The following PWWP3A variants were observed in gnomAD, a reference collection of about 807,000 sequenced individuals.
PWWP3A encodes PWWP domain containing 3A, DNA repair factor.
Under a neutral mutation model 79.0 loss-of-function variants are expected in PWWP3A, and 53 were observed. The ratio of observed to expected loss-of-function variants is 0.67; its 90% CI spans 0.54 to 0.84. The LOEUF (loss-of-function observed/expected upper bound fraction) is 0.84. Among genes scored for constraint, PWWP3A ranks in the 40% least tolerant of loss-of-function variants. The pLI is 0.00. For missense variants in PWWP3A, 973 were observed against 948.0 expected, an observed-to-expected ratio of 1.03 and a Z score of -0.35; for synonymous variants, 443 against 394.4, an observed-to-expected ratio of 1.12 and a Z score of -1.46.
intron 11 of PWWP3A, among the ~76,000 whole-genome samples, chr19:1,370,113 A>C (rs2082218909): frequency 6.6e-6 from 1 of 152,224 alleles, no homozygotes; most frequent in African/African-American, 2.4e-5. Context: ...GCGTGCCTGC[A>C]GCCCCAGCTA....
rs1432252249 is a variant in PWWP3A at position 1,360,733 on chromosome 19, A to C, written c.812A>C (p.His271Pro). 1 of 1,612,942 alleles carries C rather than the reference A, an allele frequency of 6.2e-7. No homozygotes were observed. The highest frequency in any genetic ancestry group is 8.5e-7 in the Non-Finnish European group (1 of 1,179,830). ...GATCCCTGTGCCAACGCTGAGGGAC[A>C]CGACCCCGGTCTGCCGTTGGGCAGC... Reference protein sequence around the residue: ...EDDPCANAEGHDPGLPLGSLT... With the variant: ...EDDPCANAEGPDPGLPLGSLT... Residue 271 changes from histidine to proline, a missense_variant, in exon 5 of 14, where the codon CAC becomes CCC. Physicochemically the swap from His to Pro is moderately conservative, Grantham distance 77 (BLOSUM62 -2). Coordinates refer to ENST00000591337, the MANE Select transcript of PWWP3A (RefSeq NM_001369789.1). This position sits in a 1 kb window ranked among gnomAD's most constrained non-coding sequence, Gnocchi z 4.4.
In PWWP3A at chr19:1,360,554, G is replaced by T. The variant is rs1413630991; in HGVS notation, c.633G>T (p.Trp211Cys). 6.2e-7 allele frequency: 1 copy of T among 1,614,208 alleles called. No individual in the cohort carries two copies. Among genetic ancestry groups the T allele is most frequent in the Non-Finnish European group, 8.5e-7 (1 of 1,180,036 alleles). The change falls in exon 5 of 14, where the codon TGG (tryptophan) becomes TGT (cysteine). Residue 211 changes from tryptophan to cysteine, a missense_variant. Trp to Cys is a radical substitution (Grantham distance 215). Transcript: ENST00000591337. The surrounding 1 kb of genome is among the most constrained non-coding windows in gnomAD (Gnocchi z 4.4). ...ESGSRIHHKNWTLASKRGGNS... is the reference protein window; with the variant it reads ...ESGSRIHHKNCTLASKRGGNS... ...GGTCCAGAATCCACCACAAAAATTG[G>T]ACTCTTGCAAGTAAGAGGGGAGGAA...
chr19:1,361,093 G>T, intron 5 of PWWP3A, 61 bp downstream of exon 5: 2 of 1,353,338 alleles, frequency 1.5e-6, no homozygotes, highest in Non-Finnish European at 9.5e-7. Flanking sequence ...TCCGCAGCCA[G>T]ACTGGGAGCC....
rs2082215161 is a variant in PWWP3A at position 1,369,942 on chromosome 19, A to G, written c.1549+296A>G. Among the ~76,000 whole-genome samples, 5 of 152,146 alleles carry G rather than the reference A, an allele frequency of 3.3e-5. No homozygotes were observed. The highest frequency in any genetic ancestry group is 1.2e-4 in the African/African-American group (5 of 41,434). ...GCTGCACACATCAGATGTTGTGAAG[A>G]ATGTAGGCCAGGTGCGGAGGCTCAC... On this transcript the variant is annotated intron_variant, in intron 11 of 13. Transcript: ENST00000591337. This position sits in a 1 kb window ranked among gnomAD's most constrained non-coding sequence, Gnocchi z 4.0.
Position 1,378,257 on chromosome 19 carries a change from C to T in PWWP3A, c.*1681C>T, listed in dbSNP as rs1364879958. The T allele has an allele frequency of 6.6e-6, 1 of 152,218 alleles. No individual in the cohort carries two copies. Among genetic ancestry groups the T allele is most frequent in the African/African-American group, 2.4e-5 (1 of 41,480 alleles). 9.4% of individuals were successfully genotyped at this position (152,218 alleles called of 1,614,324 possible). A position where few individuals can be genotyped will look rare whatever the true frequency, so the allele number is the denominator to read the frequency against. ...GCCTCGTACTGCCTCATGGAAAATC[C>T]TCCGGAGCCGCCCTCCATTGTGGGT... On this transcript the variant is annotated 3_prime_UTR_variant, in exon 14 of 14. Coordinates refer to ENST00000591337, the MANE Select transcript of PWWP3A (RefSeq NM_001369789.1).
In PWWP3A at chr19:1,368,768, T is replaced by G. The variant is rs1776525789; in HGVS notation, c.1423-497T>G. ...TGTTAGAGCAGCTTATTTCCAGGACTTGATGTCCTGTCATGTGGCACAGTG... is the reference window on the plus strand; with the variant it reads ...TGTTAGAGCAGCTTATTTCCAGGACGTGATGTCCTGTCATGTGGCACAGTG... On this transcript the variant is annotated intron_variant, in intron 9 of 13. Coordinates refer to ENST00000591337, the MANE Select transcript of PWWP3A (RefSeq NM_001369789.1). This position sits in a 1 kb window ranked among gnomAD's most constrained non-coding sequence, Gnocchi z 4.7. Among the ~76,000 whole-genome samples the G allele has an allele frequency of 6.6e-6, 1 of 152,238 alleles. No homozygotes were observed. The highest frequency in any genetic ancestry group is 6.5e-5 in the Admixed American group (1 of 15,286).
intron 9 of PWWP3A, among the ~76,000 whole-genome samples, chr19:1,367,751 C>T (rs1568946788): frequency 2.0e-5 from 3 of 152,154 alleles, no homozygotes; most frequent in Non-Finnish European, 4.4e-5. Flanking sequence ...CATGTGCTGT[C>T]GATGAACTGC....
chr19:1,376,292 T>G (rs1568968493), intron 13 of PWWP3A, among the ~76,000 whole-genome samples: 1 of 78,040 alleles, frequency 1.3e-5, no homozygotes, highest in African/African-American at 7.1e-5. Context: ...CGCCCGGCTG[T>G]TTGTTTTTTT....
At chr19:1,358,601 C>T (rs746400271) in intron 4 of PWWP3A, 137 bp downstream of exon 4, 120 of 1,578,240 alleles carry the variant, frequency 7.6e-5, no homozygotes, top group Non-Finnish European at 9.9e-5. Flanking sequence ...ACGCGAATCC[C>T]CTGAGCTGAA....
At chr19:1,358,811 T>G in intron 4 of PWWP3A, 1 of 614,142 alleles carries the variant, frequency 1.6e-6, no homozygotes, top group Non-Finnish European at 2.8e-6. Flanking sequence ...CTTCCTATAG[T>G]AAGATTTGCT....
chr19:1,376,291 G>GTTTTTTTTTTTTT (rs1350699607), intron 13 of PWWP3A, among the ~76,000 whole-genome samples: 24 of 50,860 alleles, frequency 4.7e-4, no homozygotes, highest in Admixed American at 6.3e-4. Context: ...ACGCCCGGCT[G>GTTTTTTTTTTTTT]TTTGTTTTTT....
rs2081994781 is a variant in PWWP3A at position 1,360,777 on chromosome 19, C to T, written c.856C>T (p.Pro286Ser). 1 of 1,609,322 alleles carries T rather than the reference C, an allele frequency of 6.2e-7. No individual in the cohort carries two copies. The highest frequency in any genetic ancestry group is 8.5e-7 in the Non-Finnish European group (1 of 1,178,040). Residue 286 changes from proline (P) to serine (S), a missense_variant, in exon 5 of 14, where the codon CCT (proline) becomes TCT (serine). Coordinates refer to ENST00000591337, the MANE Select transcript of PWWP3A (RefSeq NM_001369789.1). This position sits in a 1 kb window ranked among gnomAD's most constrained non-coding sequence, Gnocchi z 4.4. ...PLGSLTAPPA[P>S]EPSACSEPGE... ...GGGCAGCCTCACTGCGCCCCCAGCC[C>T]CTGAGCCCTCGGCCTGCTCAGAGCC...
intron 4 of PWWP3A, chr19:1,358,762 T>A (rs1280512801): frequency 8.9e-7 from 1 of 1,129,918 alleles, no homozygotes; most frequent in African/African-American, 1.5e-5. Context: ...GGAAGGACTT[T>A]GCTGCCATAA....
At chr19:1,367,661 G>A (rs1243643235) in intron 9 of PWWP3A, among the ~76,000 whole-genome samples, 1 of 152,264 alleles carries the variant, frequency 6.6e-6, no homozygotes, top group African/African-American at 2.4e-5. Context: ...AAGTGCTGCA[G>A]TGAGCCTGGC....
At chr19:1,363,040 C>A (rs571227465) in intron 6 of PWWP3A, among the ~76,000 whole-genome samples, 1 of 152,202 alleles carries the variant, frequency 6.6e-6, no homozygotes. Flanking sequence ...ATTATAGATT[C>A]ACAGGATGTT....
chr19:1,375,707 TAA>T (rs1491195834), intron 13 of PWWP3A, among the ~76,000 whole-genome samples: 2 of 141,226 alleles, frequency 1.4e-5, no homozygotes, highest in Admixed American at 7.4e-5. Context: ...ATTTAATATA[TAA>T]TATATATAAA....
At chr19:1,375,138 G>A (rs1419079807) in intron 13 of PWWP3A, among the ~76,000 whole-genome samples, 1 of 150,414 alleles carries the variant, frequency 6.6e-6, no homozygotes, top group African/African-American at 2.4e-5. Flanking sequence ...CAGGGGAATC[G>A]CTTGAACCCG....
chr19:1,355,284 C>G (rs1303231760), intron 1 of PWWP3A, 149 bp downstream of exon 1: 1 of 153,332 alleles, frequency 6.5e-6, no homozygotes, highest in Non-Finnish European at 1.5e-5. Context: ...GCCCGGACCC[C>G]CTTTTCCGCC....
At position 1,360,733 on chromosome 19, in the gene PWWP3A, A is replaced by G; in HGVS notation, c.812A>G (p.His271Arg). The change falls in exon 5 of 14, where the codon CAC becomes CGC. Residue 271 changes from histidine (H) to arginine (R), a missense_variant. Coordinates refer to ENST00000591337, the MANE Select transcript of PWWP3A (RefSeq NM_001369789.1). This position sits in a 1 kb window ranked among gnomAD's most constrained non-coding sequence, Gnocchi z 4.4. The part of the protein sequence containing the change: ...EDDPCANAEG[H>R]DPGLPLGSLT... ...GATCCCTGTGCCAACGCTGAGGGAC[A>G]CGACCCCGGTCTGCCGTTGGGCAGC... The G allele has an allele frequency of 6.2e-7, 1 of 1,612,942 alleles. No individual in the cohort carries two copies. The highest frequency in any genetic ancestry group is 8.5e-7 in the Non-Finnish European group (1 of 1,179,830).
Sources: allele counts gnomAD v4.1 joint callset (sites outside exome capture counted in the v4.1 genomes callset), GRCh38; gene constraint gnomAD v4.1.1; non-coding constraint Gnocchi (gnomAD v3.1); transcripts MANE v1.5; gene names NCBI Gene and HGNC (gene_info 2026-07-23, HGNC 2026-07-21).